Variants in SCN3B observed in about 807,000 individuals in gnomAD.
SCN3B encodes the protein sodium voltage-gated channel beta subunit 3.
SCN3B carries 11 observed loss-of-function variants against 25.4 expected under a neutral mutation model. The observed-to-expected ratio is 0.43, with a 90% CI of 0.27 to 0.72. The LOEUF is 0.72. Ranked by LOEUF, SCN3B falls within the 30% of genes least tolerant of loss-of-function variation. SCN3B has a pLI of 0.18. For synonymous variants in SCN3B, 109 were observed against 110.7 expected (o/e 0.99, Z 0.09); for missense variants, 218 against 278.3 (o/e 0.78, Z 1.54).
chr11:123,637,687 C>A (rs144765136), intron 5 of SCN3B, among the ~76,000 whole-genome samples: 2,046 of 152,074 alleles, frequency 0.013, 54 homozygotes, highest in African/African-American at 0.048. Flanking sequence ...TGCCACCATG[C>A]CCAGCTAATT....
Position 123,645,725 on chromosome 11 carries a change from C to G in SCN3B, c.81G>C (p.Val27=), listed in dbSNP as rs939822754. 2.2e-5 allele frequency: 36 copies of G among 1,613,918 alleles called. No homozygotes were observed. The highest frequency in any genetic ancestry group is 2.9e-5 in the Non-Finnish European group (34 of 1,180,002). Residue 27 remains valine (V), a synonymous_variant, in exon 3 of 7, where the codon GTG becomes GTC. Coordinates refer to ENST00000299333, the MANE Select transcript of SCN3B (RefSeq NM_001040151.2). ...YWVSVCFPVC[V]EVPSETEAVQ... ...CGGCCTCCGTCTCCGAGGGCACTTC[C>G]ACACACACAGGGAAGCAGACACTGA...
At chr11:123,652,062 C>T (rs1348419418) in intron 2 of SCN3B, among the ~76,000 whole-genome samples, 1 of 152,182 alleles carries the variant, frequency 6.6e-6, no homozygotes, top group Non-Finnish European at 1.5e-5. Flanking sequence ...ATAGCATGTT[C>T]TCTCCCTCCA....
chr11:123,650,342 C>T (rs1271754826), intron 2 of SCN3B, among the ~76,000 whole-genome samples: 2 of 152,138 alleles, frequency 1.3e-5, no homozygotes, highest in Non-Finnish European at 2.9e-5. Context: ...TGAGATTGCT[C>T]TAGAATGCTT....
chr11:123,636,098 G>C (rs1185142456), intron 5 of SCN3B, among the ~76,000 whole-genome samples: 4 of 152,102 alleles, frequency 2.6e-5, no homozygotes, highest in Non-Finnish European at 4.4e-5. Context: ...TTCAGTAAAG[G>C]TTTCTAACTT....
Position 123,645,700 on chromosome 11 carries a change from C to A in SCN3B, c.106G>T (p.Val36Leu), listed in dbSNP as rs147803210. The change falls in exon 3 of 7, where the codon GTG (valine) becomes TTG (leucine). Residue 36 changes from valine to leucine, a missense_variant. Transcript: ENST00000299333. ...CGCAGCTTCATGGGGTTGCCCTGCA[C>A]GGCCTCCGTCTCCGAGGGCACTTCC... ...CVEVPSETEA[V>L]QGNPMKLRCI... The A allele has an allele frequency of 6.2e-7, 1 of 1,614,148 alleles. No homozygotes were observed. The highest frequency in any genetic ancestry group is 1.1e-5 in the South Asian group (1 of 91,080).
At chr11:123,651,330 A>C (rs1386042971) in intron 2 of SCN3B, among the ~76,000 whole-genome samples, 2 of 152,078 alleles carry the variant, frequency 1.3e-5, no homozygotes, top group African/African-American at 4.8e-5. Flanking sequence ...ATTGCATGCA[A>C]ATCAAATGAA....
intron 2 of SCN3B, among the ~76,000 whole-genome samples, chr11:123,651,818 T>C (rs1314900200): frequency 6.6e-6 from 1 of 152,166 alleles, no homozygotes; most frequent in Non-Finnish European, 1.5e-5. Flanking sequence ...CTTCCAAAGT[T>C]TTTTGGGGTC....
intron 2 of SCN3B, among the ~76,000 whole-genome samples, chr11:123,650,824 T>C (rs971153717): frequency 6.6e-6 from 1 of 152,172 alleles, no homozygotes; most frequent in Non-Finnish European, 1.5e-5. Context: ...TAGCACTCTT[T>C]CCCCTGACTA....
intron 3 of SCN3B, among the ~76,000 whole-genome samples, chr11:123,644,173 C>T (rs1389092071): frequency 1.3e-5 from 2 of 152,210 alleles, no homozygotes; most frequent in African/African-American, 4.8e-5. Flanking sequence ...CTTTGAGCCT[C>T]AGTTTCCTCA....
At chr11:123,634,397 C>A (rs1955704684) in intron 5 of SCN3B, among the ~76,000 whole-genome samples, 191 bp from the exon 6 acceptor site, 1 of 152,208 alleles carries the variant, frequency 6.6e-6, no homozygotes, top group African/African-American at 2.4e-5. Flanking sequence ...TGTACACGAA[C>A]ACCCACCAGG....
rs995837092 is a variant in SCN3B at position 123,629,964 on chromosome 11, T to C, written c.*3835A>G. 2 of 152,256 alleles carry C rather than the reference T, an allele frequency of 1.3e-5. No homozygotes were observed. The highest frequency in any genetic ancestry group is 2.9e-5 in the Non-Finnish European group (2 of 68,044). The allele number at this position is 152,256 out of a possible 1,614,324, so 9.4% of individuals were successfully genotyped here. A position where few individuals can be genotyped will look rare whatever the true frequency, so the allele number is the denominator to read the frequency against. On this transcript the variant is annotated 3_prime_UTR_variant, in exon 7 of 7. Transcript: ENST00000299333. ...GACACAGCCTTTTCCCTCAGATTTATGTGAGGAGGACTCACAGATTCTGAG... is the reference window on the plus strand; with the variant it reads ...GACACAGCCTTTTCCCTCAGATTTACGTGAGGAGGACTCACAGATTCTGAG...
At chr11:123,645,562 G>A in intron 3 of SCN3B, 25 bp downstream of exon 3, 1 of 1,613,760 alleles carries the variant, frequency 6.2e-7, no homozygotes, top group African/African-American at 1.3e-5. Flanking sequence ...GCAGAAGAAA[G>A]GCCAGAGTCA....
rs1046821119 is a variant in SCN3B, at chr11:123,631,725, G to A, written c.*2074C>T. On this transcript the variant is annotated 3_prime_UTR_variant, in exon 7 of 7. Transcript: ENST00000299333. The stretch of plus-strand genomic sequence containing the variant: ...ATGCCTGTAGTCCCAGTTACCTGGG[G>A]GCTGAGGTGGGAGGATTGCTTAAAC... 1 of 152,086 alleles carries A rather than the reference G, an allele frequency of 6.6e-6. No homozygotes were observed. The highest frequency in any genetic ancestry group is 2.4e-5 in the African/African-American group (1 of 41,384). The allele number at this position is 152,086 out of a possible 1,614,324, so 9.4% of individuals were successfully genotyped here. A position where few individuals can be genotyped will look rare whatever the true frequency, so the allele number is the denominator to read the frequency against.
intron 2 of SCN3B, among the ~76,000 whole-genome samples, chr11:123,649,673 TTTC>T (rs1955899415): frequency 2.7e-5 from 4 of 146,472 alleles, no homozygotes; most frequent in Non-Finnish European, 3.0e-5. Context: ...TCTTTCTTTT[TTTC>T]CTCTCTCTCT....
intron 2 of SCN3B, among the ~76,000 whole-genome samples, chr11:123,653,253 T>G (rs1955949914): frequency 6.6e-6 from 1 of 152,078 alleles, no homozygotes; most frequent in Non-Finnish European, 1.5e-5. Flanking sequence ...TTCCCATTCC[T>G]TGTTAAAATT....
At chr11:123,636,855 G>T (rs948311607) in intron 5 of SCN3B, among the ~76,000 whole-genome samples, 2 of 151,896 alleles carry the variant, frequency 1.3e-5, no homozygotes, top group Non-Finnish European at 2.9e-5. Flanking sequence ...CACCATGCCC[G>T]GCTAATTTTT....
chr11:123,630,588 G>A lies in SCN3B; in HGVS notation c.*3211C>T, dbSNP rs1273779129. 1 of 152,594 alleles carries A rather than the reference G, an allele frequency of 6.6e-6. No individual in the cohort carries two copies. Among genetic ancestry groups the A allele is most frequent in the African/African-American group, 2.4e-5 (1 of 41,446 alleles). The allele number at this position is 152,594 out of a possible 1,614,324, so 9.5% of individuals were successfully genotyped here. On this transcript the variant is annotated 3_prime_UTR_variant, in exon 7 of 7. Coordinates refer to ENST00000299333, the MANE Select transcript of SCN3B (RefSeq NM_001040151.2). ...ATTATGGGAAGAGACAGGGAGGTGG[G>A]TGGAGATTGGAAGTAGGCTGGTGAT...
intron 3 of SCN3B, among the ~76,000 whole-genome samples, chr11:123,644,078 C>G (rs2137244071): frequency 6.6e-6 from 1 of 152,326 alleles, no homozygotes; most frequent in South Asian, 2.1e-4. Context: ...CCCAGGAAGG[C>G]AAAGCAGTGC....
At chr11:123,647,428 T>C (rs1955866283) in intron 2 of SCN3B, among the ~76,000 whole-genome samples, 3 of 152,188 alleles carry the variant, frequency 2.0e-5, no homozygotes, top group Non-Finnish European at 4.4e-5. Context: ...CAATGAGCTA[T>C]GATGGCACCA....
Sources: gnomAD v4.1 joint callset for allele counts (sites outside exome capture counted in the v4.1 genomes callset) on GRCh38, gnomAD v4.1.1 for gene constraint, MANE v1.5 for transcripts, NCBI Gene and HGNC (gene_info 2026-07-23, HGNC 2026-07-21) for gene names.